MDFIC: variants seen among roughly 807,000 people sequenced by gnomAD.
MDFIC encodes the protein myoD family inhibitor domain-containing protein.
In MDFIC, 17 loss-of-function variants were observed where a neutral mutation model predicts 23.2. The observed-to-expected ratio is 0.73, with a 90% CI of 0.50 to 1.10. The LOEUF (loss-of-function observed/expected upper bound fraction) is 1.10. Ranked by LOEUF, MDFIC falls within the 50% of genes least tolerant of loss-of-function variation. The pLI, the probability that MDFIC is intolerant of heterozygous loss-of-function variation, is 0.00. For missense variants in MDFIC, 356 were observed against 316.6 expected, an observed-to-expected ratio of 1.12 and a Z score of -0.95; for synonymous variants, 120 against 115.2, an observed-to-expected ratio of 1.04 and a Z score of -0.27.
chr7:114,968,980 C>A (rs1256047397), intron 3 of MDFIC, among the ~76,000 whole-genome samples: 1 of 152,086 alleles, frequency 6.6e-6, no homozygotes, highest in Non-Finnish European at 1.5e-5. Flanking sequence ...AAGGAGATAC[C>A]AGTTTCACTT....
intron 3 of MDFIC, among the ~76,000 whole-genome samples, chr7:114,978,683 A>T (rs1372954169): frequency 6.6e-6 from 1 of 151,998 alleles, no homozygotes; most frequent in Non-Finnish European, 1.5e-5. Context: ...CTTAGATTAT[A>T]TATATACTAT....
At chr7:115,008,642 G>A (rs1355325217) in intron 4 of MDFIC, among the ~76,000 whole-genome samples, 1 of 152,132 alleles carries the variant, frequency 6.6e-6, no homozygotes, top group Non-Finnish European at 1.5e-5. Context: ...GCTACTTGGA[G>A]CTGAGCTACC....
At chr7:114,973,993 A>G (rs1793258598) in intron 3 of MDFIC, among the ~76,000 whole-genome samples, 1 of 152,300 alleles carries the variant, frequency 6.6e-6, no homozygotes, top group Middle Eastern at 3.4e-3. Context: ...AATAAAAAAA[A>G]GATTAGAAGG....
chr7:114,923,401 C>T, intron 2 of MDFIC: 5 of 1,469,710 alleles, frequency 3.4e-6, no homozygotes, highest in Non-Finnish European at 4.6e-6. Flanking sequence ...CTTTCTTAAG[C>T]ATATGCATGT....
chr7:114,968,906 C>T lies in MDFIC; in HGVS notation c.218-10600C>T, dbSNP rs74487395. On this transcript the variant is annotated intron_variant, in intron 3 of 4. Transcript: ENST00000393486. Reference sequence around the variant, plus strand: ...AAATGTTCAGTTAGCAATTTGTATGCTCGTCTACGTAATTCCATATCTCAT... The same window carrying T: ...AAATGTTCAGTTAGCAATTTGTATGTTCGTCTACGTAATTCCATATCTCAT... Among the ~76,000 whole-genome samples, 721 of 152,248 alleles carry T rather than the reference C, an allele frequency of 4.7e-3. 6 individuals are homozygous for T. Among genetic ancestry groups the T allele is most frequent in the African/African-American group, 0.016 (652 of 41,532 alleles).
At chr7:114,960,622 CA>C (rs1792971902) in intron 3 of MDFIC, among the ~76,000 whole-genome samples, 1 of 152,060 alleles carries the variant, frequency 6.6e-6, no homozygotes, top group Admixed American at 6.5e-5. Flanking sequence ...AAAATATGCA[CA>C]AGAATATTAT....
intron 4 of MDFIC, among the ~76,000 whole-genome samples, chr7:114,995,948 A>G (rs866257138): frequency 7.9e-5 from 12 of 152,210 alleles, no homozygotes. Context: ...CTATTTGGCC[A>G]TCTTGGAACC....
chr7:114,972,518 A>C (rs1002949228), intron 3 of MDFIC, among the ~76,000 whole-genome samples: 1 of 152,206 alleles, frequency 6.6e-6, no homozygotes, highest in African/African-American at 2.4e-5. Flanking sequence ...TTCAAATGGC[A>C]AAGTAAGGTG....
rs545633498 is a variant in MDFIC at position 114,953,194 on chromosome 7, TAACAAG to T, written c.217+10804_217+10809del. ...TTAGTCTAGCTTTACATCTTTTAAA[TAACAAG>T]AACAAGTCATTCAGCATTTTTAATT... is the stretch of plus-strand genomic sequence containing the variant. On this transcript the variant is annotated intron_variant, in intron 3 of 4. Coordinates refer to ENST00000393486, the MANE Select transcript of MDFIC (RefSeq NM_001166345.3). 2.5e-3 allele frequency among the ~76,000 whole-genome samples: 382 copies of T among 152,334 alleles called. 5 individuals carry two copies. The highest frequency in any genetic ancestry group is 8.9e-3 in the African/African-American group (368 of 41,576).
intron 4 of MDFIC, among the ~76,000 whole-genome samples, chr7:115,000,912 T>C (rs1216046001): frequency 2.0e-5 from 3 of 152,144 alleles, no homozygotes; most frequent in African/African-American, 7.2e-5. Context: ...TGGTGACACA[T>C]ATTTTTTAGG....
At chr7:114,954,905 A>C (rs1792855050) in intron 3 of MDFIC, among the ~76,000 whole-genome samples, 1 of 151,738 alleles carries the variant, frequency 6.6e-6, no homozygotes. Context: ...TCCCTATCCT[A>C]CCACTCCCCT....
At chr7:114,978,838 G>GT (rs1475562760) in intron 3 of MDFIC, among the ~76,000 whole-genome samples, 1 of 151,998 alleles carries the variant, frequency 6.6e-6, no homozygotes, top group Non-Finnish European at 1.5e-5. Flanking sequence ...CATAAGTCAC[G>GT]TAAGGGTGGG....
At position 114,979,531 on chromosome 7, in the gene MDFIC, T is replaced by A. The variant is rs1253053065; in HGVS notation, c.243T>A (p.Leu81=). 6.2e-7 allele frequency: 1 copy of A among 1,613,400 alleles called. No individual in the cohort carries two copies. Among genetic ancestry groups the A allele is most frequent in the East Asian group, 2.2e-5 (1 of 44,830 alleles). The part of the protein sequence containing the change: ...IRTQPQRLPQ[L]QTSAQVPSGE... ...CCCAACCTCAGCGCTTGCCTCAGCT[T>A]CAGACTTCAGCCCAGGTGCCAAGTG... Residue 81 remains leucine (L), a synonymous_variant, in exon 4 of 5, where the codon CTT becomes CTA. Coordinates refer to ENST00000393486, the MANE Select transcript of MDFIC (RefSeq NM_001166345.3).
chr7:115,003,617 G>A (rs1327827533), intron 4 of MDFIC, among the ~76,000 whole-genome samples: 3 of 152,054 alleles, frequency 2.0e-5, no homozygotes, highest in East Asian at 3.9e-4. Context: ...CCTCATTTCT[G>A]ACACGGAAAA....
At chr7:114,985,317 G>A (rs1461429513) in intron 4 of MDFIC, among the ~76,000 whole-genome samples, 1 of 152,288 alleles carries the variant, frequency 6.6e-6, no homozygotes, top group Non-Finnish European at 1.5e-5. Context: ...ATGATCATTA[G>A]TATTAAGGTT....
intron 2 of MDFIC, among the ~76,000 whole-genome samples, chr7:114,936,405 G>T (rs1585093713): frequency 6.6e-6 from 1 of 152,228 alleles, no homozygotes; most frequent in South Asian, 2.1e-4. Flanking sequence ...CAGTTATGGA[G>T]ATAATATTAT....
At chr7:114,990,414 A>G (rs1230698010) in intron 4 of MDFIC, among the ~76,000 whole-genome samples, 1 of 151,692 alleles carries the variant, frequency 6.6e-6, no homozygotes, top group Non-Finnish European at 1.5e-5. Context: ...GGTTTGTTAC[A>G]TATGTCTACA....
intron 2 of MDFIC, among the ~76,000 whole-genome samples, chr7:114,932,338 C>T (rs528998018): frequency 4.0e-5 from 6 of 151,846 alleles, no homozygotes; most frequent in South Asian, 2.1e-4. Context: ...TATAGATTTG[C>T]GAGAAATTGG....
intron 3 of MDFIC, among the ~76,000 whole-genome samples, chr7:114,945,652 A>G (rs904479578): frequency 9.2e-5 from 14 of 152,238 alleles, no homozygotes; most frequent in African/African-American, 3.4e-4. Flanking sequence ...AATAGGCCAC[A>G]CACAATCTGG....
Sources: allele counts gnomAD v4.1 joint callset (sites outside exome capture counted in the v4.1 genomes callset), GRCh38; gene constraint gnomAD v4.1.1; transcripts MANE v1.5; gene names NCBI Gene and HGNC (gene_info 2026-07-23, HGNC 2026-07-21).